The following MGST2 variants were observed in gnomAD, a reference collection of about 807,000 sequenced individuals.
MGST2 encodes the protein glutathione peroxidase MGST2.
A neutral mutation model predicts 16.6 loss-of-function variants in MGST2; 9 were observed. The ratio of observed to expected loss-of-function variants is 0.54; its 90% CI spans 0.33 to 0.95. The LOEUF (loss-of-function observed/expected upper bound fraction) is 0.95, where lower values mean the gene tolerates loss of function less well. Among genes scored for constraint, MGST2 ranks in the 40% least tolerant of loss-of-function variants. The pLI, the probability that MGST2 is intolerant of heterozygous loss-of-function variation, is 0.03. For missense variants in MGST2, 159 were observed against 175.1 expected (o/e 0.91, Z 0.52); for synonymous variants, 79 against 68.0 (o/e 1.16, Z -0.79).
In MGST2 at chr4:139,720,407, A is replaced by G. The variant is rs374543508; in HGVS notation, c.*48+16211A>G. ...CAAGATGTTGGAATTTTCTTTGGGA[A>G]TGACAAAATTCCTTTATATGAAAGG... is the stretch of plus-strand genomic sequence containing the variant. On this transcript the variant is annotated intron_variant, in intron 5 of 5. Coordinates refer to the MGST2 transcript ENST00000616265. 15 of 1,278,292 alleles carry G rather than the reference A, an allele frequency of 1.2e-5. No individual in the cohort carries two copies. The East Asian group carries it at 1.8e-4, about 15-fold the overall frequency. The allele number at this position is 1,278,292 out of a possible 1,614,324, so 79.2% of individuals were successfully genotyped here.
the MGST2 span, among the ~76,000 whole-genome samples, chr4:139,750,612 CTCTG>C: frequency 6.6e-6 from 1 of 152,202 alleles, no homozygotes; most frequent in East Asian, 1.9e-4. Context: ...CCATTGTTCA[CTCTG>C]TCTGACCCCA....
chr4:139,669,939 C>A (rs1463809516), intron 1 of MGST2, among the ~76,000 whole-genome samples: 2 of 152,142 alleles, frequency 1.3e-5, no homozygotes, highest in Non-Finnish European at 2.9e-5. Context: ...GTCAATGATT[C>A]TCTGGAATTT....
intron 5 of MGST2, among the ~76,000 whole-genome samples, chr4:139,733,663 G>T (rs1291772692): frequency 2.0e-5 from 3 of 151,864 alleles, no homozygotes; most frequent in Non-Finnish European, 2.9e-5. Flanking sequence ...AGACCTACAG[G>T]CAGGAAGGGC....
At chr4:139,670,801 C>A (rs897466693) in intron 1 of MGST2, among the ~76,000 whole-genome samples, 1 of 151,816 alleles carries the variant, frequency 6.6e-6, no homozygotes, top group African/African-American at 2.4e-5. Context: ...GTAATCCCAG[C>A]CACTTGGGAG....
intron 5 of MGST2, chr4:139,720,284 G>T: frequency 6.4e-7 from 1 of 1,564,338 alleles, no homozygotes; most frequent in Non-Finnish European, 8.7e-7. Flanking sequence ...GCTCTGGAGG[G>T]CTGCTTGGCT....
chr4:139,739,118 C>G (rs1033989411), intron 5 of MGST2, among the ~76,000 whole-genome samples: 15 of 152,228 alleles, frequency 9.9e-5, no homozygotes, highest in Non-Finnish European at 1.5e-5. Flanking sequence ...CTGAACTCAA[C>G]TGACTAATTG....
chr4:139,669,324 G>T (rs999210629), intron 1 of MGST2, among the ~76,000 whole-genome samples: 32 of 152,164 alleles, frequency 2.1e-4, no homozygotes, highest in African/African-American at 7.7e-4. Context: ...ACCAGAATTT[G>T]CTCCTTTTGC....
intron 2 of MGST2, 114 bp from the exon 3 acceptor site, chr4:139,695,082 TG>T: frequency 2.7e-6 from 2 of 736,468 alleles, no homozygotes; most frequent in Non-Finnish European, 4.7e-6. Context: ...TAAACTCTTT[TG>T]TAAGTTCTTA....
At chr4:139,718,414 G>A (rs913610818) in intron 5 of MGST2, 2 of 152,368 alleles carry the variant, frequency 1.3e-5, no homozygotes, top group Non-Finnish European at 2.9e-5. Context: ...AGGCAAGGAG[G>A]AATAAAGGCA....
At chr4:139,678,520 G>A (rs377334469) in intron 1 of MGST2, 23 bp from the exon 2 acceptor site, 142 of 1,590,076 alleles carry the variant, frequency 8.9e-5, no homozygotes, top group South Asian at 4.0e-4. Flanking sequence ...CATCTTTAAC[G>A]CAACATTTCC....
chr4:139,689,429 C>A (rs972459561), intron 2 of MGST2, among the ~76,000 whole-genome samples: 20 of 152,152 alleles, frequency 1.3e-4, no homozygotes, highest in African/African-American at 4.6e-4. Context: ...GACAGTTACA[C>A]GTCTTTATAA....
downstream of MGST2, among the ~76,000 whole-genome samples, chr4:139,708,382 G>T (rs909964898): frequency 3.3e-5 from 5 of 152,160 alleles, no homozygotes; most frequent in African/African-American, 4.8e-5. Context: ...TAGATATGCG[G>T]CATTATTTCT....
At chr4:139,748,986 G>A in the MGST2 span, among the ~76,000 whole-genome samples, 7 of 152,120 alleles carry the variant, frequency 4.6e-5, no homozygotes, top group African/African-American at 1.2e-4. Flanking sequence ...GGCTGCACAC[G>A]TCCTTGAAGT....
chr4:139,732,281 G>A (rs759311353), intron 5 of MGST2, among the ~76,000 whole-genome samples: 19 of 152,230 alleles, frequency 1.2e-4, no homozygotes, highest in South Asian at 2.1e-4. Flanking sequence ...TAGAGAGACC[G>A]TCCTGGATTT....
downstream of MGST2, among the ~76,000 whole-genome samples, chr4:139,705,314 A>G (rs946829586): frequency 1.3e-5 from 2 of 152,154 alleles, no homozygotes; most frequent in African/African-American, 4.8e-5. Context: ...TTAGTAGGTG[A>G]TTGGTGGAAA....
At chr4:139,730,391 T>G in intron 5 of MGST2, 2 of 1,543,880 alleles carry the variant, frequency 1.3e-6, no homozygotes, top group Non-Finnish European at 1.7e-6. Flanking sequence ...AATGAATGAA[T>G]GAATCACGCC....
chr4:139,731,467 A>C (rs1043187602), intron 5 of MGST2: 5 of 150,494 alleles, frequency 3.3e-5, no homozygotes, highest in African/African-American at 1.3e-4. Context: ...AAAAAAAAAA[A>C]ATTAGCCAGA....
At chr4:139,684,596 G>C (rs1289404111) in intron 2 of MGST2, among the ~76,000 whole-genome samples, 1 of 152,164 alleles carries the variant, frequency 6.6e-6, no homozygotes, top group African/African-American at 2.4e-5. Context: ...TCAGGAGGCA[G>C]CTTTCTTCTG....
rs77434898 is a variant in MGST2, at chr4:139,716,489, C to T, written c.*48+12293C>T. ...TGGTACTGAATCTACAAATGGATTG[C>T]ACTATGTTCCATGCAAAGTTGACTT... On this transcript the variant is annotated intron_variant, in intron 5 of 5. Transcript: ENST00000616265. Among the ~76,000 whole-genome samples the T allele has an allele frequency of 0.015, 2,298 of 152,288 alleles. 103 individuals are homozygous for T. In the East Asian group the frequency reaches 0.16, roughly 11 times the overall value.
Sources: allele counts gnomAD v4.1 joint callset (sites outside exome capture counted in the v4.1 genomes callset), GRCh38; gene constraint gnomAD v4.1.1; transcripts MANE v1.5; gene names NCBI Gene and HGNC (gene_info 2026-07-23, HGNC 2026-07-21).